The following OPCML variants were observed in gnomAD, a reference collection of about 807,000 sequenced individuals.
OPCML encodes the protein opioid binding protein/cell adhesion molecule like.
Under a neutral mutation model 37.8 loss-of-function variants are expected in OPCML, and 13 were observed. The ratio of observed to expected loss-of-function variants is 0.34; its 90% CI spans 0.22 to 0.55. The LOEUF is 0.55. Ranked by LOEUF, OPCML falls within the 20% of genes least tolerant of loss-of-function variation. The probability of loss-of-function intolerance (pLI) is 0.91; values close to 1 mark genes in which losing one functional copy is unlikely to be tolerated. For missense variants in OPCML, 341 were observed against 435.6 expected (o/e 0.78, Z 1.93); for synonymous variants, 176 against 168.8 (o/e 1.04, Z -0.33).
chr11:132,617,557 T>C (rs1353421513), intron 3 of OPCML, among the ~76,000 whole-genome samples: 4 of 152,218 alleles, frequency 2.6e-5, no homozygotes, highest in Non-Finnish European at 5.9e-5. Flanking sequence ...CTTCACTTTC[T>C]GTAGCCAATG....
chr11:133,410,394 T>C (rs1181398711), intron 1 of OPCML, among the ~76,000 whole-genome samples: 1 of 152,102 alleles, frequency 6.6e-6, no homozygotes, highest in Non-Finnish European at 1.5e-5. Flanking sequence ...TGGCTATGAC[T>C]ACATCTGTGG....
At chr11:133,191,377 T>G (rs551067539) in intron 1 of OPCML, among the ~76,000 whole-genome samples, 1 of 152,218 alleles carries the variant, frequency 6.6e-6, no homozygotes, top group Non-Finnish European at 1.5e-5. Flanking sequence ...TGTTAATGAT[T>G]GTAGAGGGTA....
chr11:133,511,268 TA>T (rs1214816894), intron 1 of OPCML, among the ~76,000 whole-genome samples: 6 of 152,184 alleles, frequency 3.9e-5, no homozygotes, highest in Non-Finnish European at 5.9e-5. Flanking sequence ...CTCTAAGCTT[TA>T]GCAACCAGAA....
At chr11:133,028,625 T>G (rs1334727748) in intron 1 of OPCML, among the ~76,000 whole-genome samples, 1 of 151,322 alleles carries the variant, frequency 6.6e-6, no homozygotes, top group African/African-American at 2.4e-5. Context: ...TCCCCCATAG[T>G]TGCTAAAACT....
At chr11:132,724,114 G>A (rs1944782778) in intron 2 of OPCML, among the ~76,000 whole-genome samples, 2 of 152,082 alleles carry the variant, frequency 1.3e-5, no homozygotes, top group Admixed American at 1.3e-4. Context: ...TAGCACAAGG[G>A]CATTTCAGAG....
At chr11:133,010,285 A>G (rs902253074) in intron 1 of OPCML, among the ~76,000 whole-genome samples, 4 of 152,244 alleles carry the variant, frequency 2.6e-5, no homozygotes, top group African/African-American at 9.6e-5. Flanking sequence ...TTGTCATTCC[A>G]GCATCTAGCA....
intron 1 of OPCML, among the ~76,000 whole-genome samples, chr11:132,955,150 A>G (rs937615252): frequency 2.0e-5 from 3 of 152,140 alleles, no homozygotes; most frequent in Non-Finnish European, 4.4e-5. Flanking sequence ...AACATGCTGG[A>G]CGGAGATGGG....
intron 4 of OPCML, among the ~76,000 whole-genome samples, chr11:132,520,389 T>C (rs1346195762): frequency 6.6e-6 from 1 of 152,278 alleles, no homozygotes; most frequent in East Asian, 1.9e-4. Context: ...CCCTGTGAAA[T>C]AGACAAATTA....
intron 3 of OPCML, among the ~76,000 whole-genome samples, chr11:132,597,271 G>A (rs777758593): frequency 2.6e-5 from 4 of 152,106 alleles, no homozygotes; most frequent in Non-Finnish European, 5.9e-5. Flanking sequence ...TATGTGCAAA[G>A]GTATTAAATA....
At chr11:133,410,868 G>C (rs189656888) in intron 1 of OPCML, among the ~76,000 whole-genome samples, 1 of 152,108 alleles carries the variant, frequency 6.6e-6, no homozygotes, top group Non-Finnish European at 1.5e-5. Flanking sequence ...CCTGTGAAAA[G>C]GTAACTGAGA....
chr11:133,129,458 G>A (rs1444402442), intron 1 of OPCML, among the ~76,000 whole-genome samples: 1 of 152,086 alleles, frequency 6.6e-6, no homozygotes, highest in African/African-American at 2.4e-5. Context: ...CATTTCAGAG[G>A]CAAAACCCAA....
intron 1 of OPCML, among the ~76,000 whole-genome samples, chr11:133,326,211 T>C (rs1565573097): frequency 6.6e-6 from 1 of 151,218 alleles, no homozygotes; most frequent in Non-Finnish European, 1.5e-5. Context: ...CTCTCCTTTG[T>C]GTGGGAAACA....
chr11:132,740,460 G>T (rs1291596747), intron 2 of OPCML, among the ~76,000 whole-genome samples: 1 of 152,188 alleles, frequency 6.6e-6, no homozygotes, highest in Non-Finnish European at 1.5e-5. Context: ...GCAGCCCAAG[G>T]TGTTAAGTTA....
chr11:132,588,072 T>G (rs1228968929), intron 3 of OPCML, among the ~76,000 whole-genome samples: 1 of 152,138 alleles, frequency 6.6e-6, no homozygotes, highest in Non-Finnish European at 1.5e-5. Flanking sequence ...AAGCTCCTCA[T>G]GCCGTGAGAT....
intron 2 of OPCML, among the ~76,000 whole-genome samples, chr11:132,730,161 C>T (rs1473316612): frequency 6.6e-5 from 10 of 151,790 alleles, no homozygotes; most frequent in Middle Eastern, 3.4e-3. Context: ...TACAGGCACC[C>T]GCCACCACAC....
chr11:132,635,367 C>G (rs1230156320), intron 3 of OPCML, among the ~76,000 whole-genome samples: 2 of 151,910 alleles, frequency 1.3e-5, no homozygotes, highest in African/African-American at 4.8e-5. Context: ...AAAACAATAA[C>G]AAAAACAAAA....
At chr11:133,004,193 C>T in intron 1 of OPCML, 1 of 985,478 alleles carries the variant, frequency 1.0e-6, no homozygotes, top group Non-Finnish European at 1.2e-6. Flanking sequence ...CTGAGGCCTC[C>T]TCCATCTGCC....
chr11:132,649,180 T>C (rs113299781), intron 3 of OPCML, among the ~76,000 whole-genome samples: 23 of 152,308 alleles, frequency 1.5e-4, no homozygotes, highest in African/African-American at 5.3e-4. Flanking sequence ...GGTGTCTGTG[T>C]GTGTCTTAGT....
At chr11:133,372,515 T>C (rs1565599055) in intron 1 of OPCML, among the ~76,000 whole-genome samples, 1 of 152,330 alleles carries the variant, frequency 6.6e-6, no homozygotes, top group East Asian at 1.9e-4. Context: ...TACCAATATT[T>C]GTTGTTAATT....
Sources: allele counts gnomAD v4.1 joint callset (sites outside exome capture counted in the v4.1 genomes callset), GRCh38; gene constraint gnomAD v4.1.1; transcripts MANE v1.5; gene names NCBI Gene and HGNC (gene_info 2026-07-23, HGNC 2026-07-21).